TXNDC9: variants seen among roughly 807,000 people sequenced by gnomAD.
TXNDC9 encodes thioredoxin domain containing 9, also known as thioredoxin domain-containing protein 9.
TXNDC9 carries 7 observed loss-of-function variants against 23.0 expected under a neutral mutation model. That is an observed-to-expected ratio of 0.30 (90% CI 0.17 to 0.57). The LOEUF (loss-of-function observed/expected upper bound fraction) is 0.57. Ranked by LOEUF, TXNDC9 falls within the 20% of genes least tolerant of loss-of-function variation. The pLI, the probability that TXNDC9 is intolerant of heterozygous loss-of-function variation, is 0.90. For synonymous variants in TXNDC9, 72 were observed against 90.6 expected, an observed-to-expected ratio of 0.79 and a Z score of 1.17; for missense variants, 198 against 252.6, an observed-to-expected ratio of 0.78 and a Z score of 1.47.
chr2:99,321,109 T>C (rs548608582), intron 4 of TXNDC9: 5 of 152,042 alleles, frequency 3.3e-5, no homozygotes, highest in African/African-American at 9.6e-5. Context: ...ATATTAATAT[T>C]TTATGTTAAT....
chr2:99,321,130 T>C (rs1363823212), intron 4 of TXNDC9: 1 of 152,028 alleles, frequency 6.6e-6, no homozygotes, highest in East Asian at 1.9e-4. Flanking sequence ...ATTAAGGAAA[T>C]GAAACCAATT....
the TXNDC9 span, among the ~76,000 whole-genome samples, chr2:99,313,478 C>G: frequency 6.6e-6 from 1 of 152,132 alleles, no homozygotes; most frequent in Non-Finnish European, 1.5e-5. Flanking sequence ...TGCCTGTAAT[C>G]AAGACCATCT....
chr2:99,316,107 ATTTCTT>A (rs1245412106), downstream of TXNDC9, among the ~76,000 whole-genome samples: 5 of 119,872 alleles, frequency 4.2e-5, no homozygotes, highest in Middle Eastern at 4.6e-3. Context: ...AAAGCTTTGC[ATTTCTT>A]TTTCTTTTTT....
In TXNDC9 at chr2:99,333,109, T is replaced by C; in HGVS notation, c.102A>G (p.Gln34=). 3.1e-6 allele frequency: 5 copies of C among 1,614,174 alleles called. No individual in the cohort carries two copies. Among genetic ancestry groups the C allele is most frequent in the Non-Finnish European group, 4.2e-6 (5 of 1,180,022 alleles). Residue 34 remains glutamine, a synonymous_variant, in exon 2 of 5, where the codon CAA becomes CAG. Transcript: ENST00000264255. ...CATCCTCATCCATCTGATCCAGTTTTTGAATTTCAGAATCCAAATGTTCTT... is the reference window on the plus strand; with the variant it reads ...CATCCTCATCCATCTGATCCAGTTTCTGAATTTCAGAATCCAAATGTTCTT... ...LVEEHLDSEI[Q]KLDQMDEDEL...
the TXNDC9 span, among the ~76,000 whole-genome samples, chr2:99,311,657 G>A: frequency 2.6e-5 from 4 of 151,690 alleles, no homozygotes; most frequent in Admixed American, 2.0e-4. Context: ...CCAGGCATGA[G>A]CCACCATGCC....
At chr2:99,308,932 G>A in the TXNDC9 span, among the ~76,000 whole-genome samples, 1 of 151,872 alleles carries the variant, frequency 6.6e-6, no homozygotes, top group Non-Finnish European at 1.5e-5. Flanking sequence ...TCGATCTCCT[G>A]ACCTCGTGAT....
intron 3 of TXNDC9, among the ~76,000 whole-genome samples, chr2:99,326,131 A>G (rs2094212326): frequency 6.6e-6 from 1 of 152,234 alleles, no homozygotes; most frequent in Non-Finnish European, 1.5e-5. Context: ...ATGTGTGCCA[A>G]TGCGAGATGG....
chr2:99,315,125 C>T (rs1490286908), downstream of TXNDC9, among the ~76,000 whole-genome samples: 5 of 137,018 alleles, frequency 3.6e-5, no homozygotes, highest in South Asian at 2.4e-4. Flanking sequence ...TGCAGTGGCG[C>T]GATCTTGGCT....
intron 3 of TXNDC9, among the ~76,000 whole-genome samples, chr2:99,324,385 C>A (rs77528713): frequency 1.3e-5 from 2 of 152,010 alleles, no homozygotes; most frequent in Non-Finnish European, 2.9e-5. Flanking sequence ...CACTTTTTCC[C>A]CGGATATGTT....
At chr2:99,309,643 G>A in the TXNDC9 span, among the ~76,000 whole-genome samples, 1 of 152,248 alleles carries the variant, frequency 6.6e-6, no homozygotes, top group Admixed American at 6.5e-5. Flanking sequence ...AGACCAGCCT[G>A]GCCGACATGG....
the TXNDC9 span, among the ~76,000 whole-genome samples, chr2:99,309,955 G>C: frequency 6.6e-6 from 1 of 151,954 alleles, no homozygotes; most frequent in African/African-American, 2.4e-5. Flanking sequence ...AAAGCGCTGG[G>C]ATTACAAGCG....
downstream of TXNDC9, among the ~76,000 whole-genome samples, chr2:99,317,591 G>A (rs1469142956): frequency 6.6e-6 from 1 of 151,970 alleles, no homozygotes; most frequent in Non-Finnish European, 1.5e-5. Context: ...AACCTCTTTT[G>A]TTATCACATC....
chr2:99,323,368 T>C (rs979375510), intron 3 of TXNDC9, among the ~76,000 whole-genome samples: 2 of 150,260 alleles, frequency 1.3e-5, no homozygotes, highest in Non-Finnish European at 3.0e-5. Flanking sequence ...AACTGTGCCG[T>C]TGTACTCCAA....
At chr2:99,322,260 TTTTCAAAA>T (rs2094203578) in intron 3 of TXNDC9, 51 bp from the exon 4 acceptor site, 4 of 1,562,574 alleles carry the variant, frequency 2.6e-6, no homozygotes, top group Non-Finnish European at 3.5e-6. Flanking sequence ...CAGATCGCTT[TTTTCAAAA>T]TAAATATCAT....
downstream of TXNDC9, among the ~76,000 whole-genome samples, chr2:99,316,117 C>CTTTTTCT (rs1160549904): frequency 1.5e-5 from 2 of 135,988 alleles, no homozygotes; most frequent in East Asian, 4.3e-4. Context: ...ATTTCTTTTT[C>CTTTTTCT]TTTTTTTTTT....
At chr2:99,324,072 C>A (rs2105321422) in intron 3 of TXNDC9, among the ~76,000 whole-genome samples, 1 of 152,250 alleles carries the variant, frequency 6.6e-6, no homozygotes, top group East Asian at 1.9e-4. Context: ...TCTTGAACTG[C>A]TGACCTCAAG....
intron 4 of TXNDC9, among the ~76,000 whole-genome samples, chr2:99,320,138 G>A (rs1165061015): frequency 4.6e-5 from 7 of 152,114 alleles, no homozygotes; most frequent in Admixed American, 3.3e-4. Flanking sequence ...CTCCCGAGTA[G>A]CTTGGACTAC....
the TXNDC9 span, among the ~76,000 whole-genome samples, chr2:99,311,379 C>A: frequency 6.6e-6 from 1 of 152,148 alleles, no homozygotes; most frequent in Non-Finnish European, 1.5e-5. Flanking sequence ...CCACAAACTC[C>A]TGGGATCAAG....
Position 99,322,049 on chromosome 2 carries a change from A to G in TXNDC9, c.469T>C (p.Tyr157His). The change falls in exon 4 of 5, where the codon TAT (tyrosine) becomes CAT (histidine). Residue 157 changes from tyrosine to histidine, a missense_variant. By Grantham distance (83) the Tyr-to-His change is moderately conservative. Coordinates refer to ENST00000264255, the MANE Select transcript of TXNDC9 (RefSeq NM_005783.4). ...CCTAGGTCAGTAAACCCAACAACAT[A>G]ATCTTGTGTTTTCCCATCTTTTAGC... ...ALLKDGKTQDYVVGFTDLGNT... is the reference protein window; with the variant it reads ...ALLKDGKTQDHVVGFTDLGNT... 6.2e-7 allele frequency: 1 copy of G among 1,614,102 alleles called. No individual in the cohort carries two copies. Among genetic ancestry groups the G allele is most frequent in the Non-Finnish European group, 8.5e-7 (1 of 1,180,008 alleles).
Sources: gnomAD v4.1 joint callset for allele counts (sites outside exome capture counted in the v4.1 genomes callset) on GRCh38, gnomAD v4.1.1 for gene constraint, MANE v1.5 for transcripts, NCBI Gene and HGNC (gene_info 2026-07-23, HGNC 2026-07-21) for gene names.